Variants in CIPC observed in about 807,000 individuals in gnomAD.
The protein encoded by CIPC is CLOCK-interacting pacemaker.
A neutral mutation model predicts 26.7 loss-of-function variants in CIPC; 12 were observed. That is an observed-to-expected ratio of 0.45 (90% CI 0.29 to 0.73). CIPC has a LOEUF of 0.73. CIPC is among the 30% of genes least tolerant of loss of function. The pLI, the probability that CIPC is intolerant of heterozygous loss-of-function variation, is 0.12. For synonymous variants in CIPC, 170 were observed against 189.8 expected (o/e 0.90, Z 0.86); for missense variants, 417 against 486.5 (o/e 0.86, Z 1.34).
intron 3 of CIPC, among the ~76,000 whole-genome samples, chr14:77,110,729 G>A (rs779364184): frequency 2.6e-5 from 4 of 152,210 alleles, no homozygotes; most frequent in Non-Finnish European, 5.9e-5. Flanking sequence ...ATTGATTTCA[G>A]CCAAAGAAAT....
At chr14:77,112,012 G>C (rs1886712538) in intron 3 of CIPC, among the ~76,000 whole-genome samples, 1 of 152,316 alleles carries the variant, frequency 6.6e-6, no homozygotes, top group East Asian at 1.9e-4. Context: ...AACATCAAGA[G>C]GACTCTAGAT....
intron 1 of CIPC, among the ~76,000 whole-genome samples, chr14:77,100,556 T>G (rs1320663917): frequency 6.7e-6 from 1 of 149,628 alleles, no homozygotes; most frequent in Non-Finnish European, 1.5e-5. Flanking sequence ...ATTCTCTCTT[T>G]TCTTTTCTTT....
intron 1 of CIPC, among the ~76,000 whole-genome samples, chr14:77,102,571 T>C (rs1886511178): frequency 6.6e-6 from 1 of 152,240 alleles, no homozygotes; most frequent in Non-Finnish European, 1.5e-5. Flanking sequence ...ACTTTAATAA[T>C]AATAGCAAGA....
At chr14:77,108,777 C>T (rs1886640611) in intron 2 of CIPC, among the ~76,000 whole-genome samples, 1 of 152,060 alleles carries the variant, frequency 6.6e-6, no homozygotes, top group Non-Finnish European at 1.5e-5. Context: ...GCTTTCCCTC[C>T]TCCCTCTTCT....
At position 77,115,039 on chromosome 14, in the gene CIPC, G is replaced by C. The variant is rs958399605; in HGVS notation, c.*721G>C. 2.0e-5 allele frequency: 3 copies of C among 152,212 alleles called. No individual in the cohort carries two copies. In the East Asian group the frequency reaches 5.8e-4, roughly 29 times the overall value. 9.4% of individuals were successfully genotyped at this position (152,212 alleles called of 1,614,324 possible). The stretch of plus-strand genomic sequence containing the variant: ...ATGCAGTACATCTGGAATTGTAGTC[G>C]ATGAATTGCTTTTTTGACTTAGAAG... On this transcript the variant is annotated 3_prime_UTR_variant, in exon 4 of 4. Transcript: ENST00000361786.
Position 77,113,768 on chromosome 14 carries a change from C to T in CIPC, c.650C>T (p.Pro217Leu), listed in dbSNP as rs200574633. ...AVPSSPSTPAPPSAKLAEDSA... is the reference protein window; with the variant it reads ...AVPSSPSTPALPSAKLAEDSA... The stretch of plus-strand genomic sequence containing the variant: ...CCATCCAGTCCCTCGACGCCAGCAC[C>T]ACCCAGCGCCAAACTTGCCGAGGAC... Residue 217 changes from proline (P) to leucine (L), a missense_variant, in exon 4 of 4, where the codon CCA becomes CTA. By Grantham distance (98) the Pro-to-Leu change is moderately conservative (BLOSUM62 -3). Coordinates refer to ENST00000361786, the MANE Select transcript of CIPC (RefSeq NM_033426.3). 10 of 1,613,330 alleles carry T rather than the reference C, an allele frequency of 6.2e-6. No individual in the cohort carries two copies. Among genetic ancestry groups the T allele is most frequent in the Non-Finnish European group, 8.5e-6 (10 of 1,179,422 alleles).
intron 2 of CIPC, among the ~76,000 whole-genome samples, chr14:77,107,557 A>T (rs1216491809): frequency 6.6e-6 from 1 of 152,128 alleles, no homozygotes; most frequent in African/African-American, 2.4e-5. Context: ...TTTCAAATCT[A>T]TACAAAAGCA....
At chr14:77,109,297 A>G (rs2140032246) in intron 2 of CIPC, among the ~76,000 whole-genome samples, 1 of 152,292 alleles carries the variant, frequency 6.6e-6, no homozygotes, top group Non-Finnish European at 1.5e-5. Context: ...ATTGATGTAT[A>G]TCCTTCCAGT....
intron 1 of CIPC, among the ~76,000 whole-genome samples, chr14:77,105,147 A>G (rs1886567417): frequency 1.3e-5 from 2 of 152,234 alleles, no homozygotes; most frequent in African/African-American, 4.8e-5. Flanking sequence ...CAAAGGATTT[A>G]GAGGTTAATT....
intron 1 of CIPC, among the ~76,000 whole-genome samples, chr14:77,099,535 A>C (rs1886435292): frequency 6.6e-6 from 1 of 152,216 alleles, no homozygotes; most frequent in African/African-American, 2.4e-5. Context: ...TTATAATTCT[A>C]ACGGGGATTA....
intron 1 of CIPC, among the ~76,000 whole-genome samples, chr14:77,100,240 C>CTTTTTTTTTTTTTTTT (rs57785837): frequency 7.7e-6 from 1 of 130,522 alleles, no homozygotes; most frequent in African/African-American, 2.9e-5. Flanking sequence ...TTCTTTCTTT[C>CTTTTTTTTTTTTTTTT]TTTTTTTTTT....
intron 2 of CIPC, among the ~76,000 whole-genome samples, chr14:77,106,369 A>G (rs1886590735): frequency 6.6e-6 from 1 of 152,212 alleles, no homozygotes. Flanking sequence ...ACTGTGAGCC[A>G]CCTGGCCTAG....
Position 77,113,556 on chromosome 14 carries a change from A to G in CIPC, c.438A>G (p.Lys146=). The G allele has an allele frequency of 1.2e-6, 2 of 1,614,232 alleles. No homozygotes were observed. Among genetic ancestry groups the G allele is most frequent in the Non-Finnish European group, 8.5e-7 (1 of 1,180,050 alleles). Residue 146 remains lysine (K), a synonymous_variant, in exon 4 of 4, where the codon AAA becomes AAG. Transcript: ENST00000361786. The part of the protein sequence containing the change: ...SPVSPCHTGE[K]KSDSRNYLPI... The stretch of plus-strand genomic sequence containing the variant: ...TCAGTCCATGTCACACTGGTGAGAA[A>G]AAGTCCGACTCCAGGAACTACTTGC...
chr14:77,108,804 G>A (rs1451363008), intron 2 of CIPC, among the ~76,000 whole-genome samples: 1 of 152,052 alleles, frequency 6.6e-6, no homozygotes, highest in Non-Finnish European at 1.5e-5. Flanking sequence ...TATCACTAAT[G>A]TAGTCATGGA....
chr14:77,101,555 T>C (rs189363715), intron 1 of CIPC, among the ~76,000 whole-genome samples: 102 of 152,360 alleles, frequency 6.7e-4, no homozygotes, highest in Non-Finnish European at 1.2e-3. Flanking sequence ...ATCTGTTCTC[T>C]TTTTAACTTA....
Position 77,113,984 on chromosome 14 carries a change from A to G in CIPC, c.866A>G (p.Tyr289Cys). Reference sequence around the variant, plus strand: ...CCCCTTTCACCACTGTCCGCTAATTATAGCTCACCTTTATGGGCTGCAGAG... The same window carrying G: ...CCCCTTTCACCACTGTCCGCTAATTGTAGCTCACCTTTATGGGCTGCAGAG... The part of the protein sequence containing the change: ...NSPLSPLSAN[Y>C]SSPLWAAEHL... The change falls in exon 4 of 4, where the codon TAT (tyrosine) becomes TGT (cysteine). Residue 289 changes from tyrosine to cysteine, a missense_variant. Physicochemically the swap from Tyr to Cys is radical, Grantham distance 194. Transcript: ENST00000361786. 6.2e-7 allele frequency: 1 copy of G among 1,614,208 alleles called. No homozygotes were observed. Among genetic ancestry groups the G allele is most frequent in the Non-Finnish European group, 8.5e-7 (1 of 1,180,028 alleles).
intron 3 of CIPC, 125 bp downstream of exon 3, chr14:77,110,106 C>A: frequency 1.2e-6 from 1 of 857,498 alleles, no homozygotes; most frequent in Non-Finnish European, 1.8e-6. Flanking sequence ...AGAACCACAC[C>A]AATGTGTACT....
At chr14:77,107,586 C>T (rs1886613863) in intron 2 of CIPC, among the ~76,000 whole-genome samples, 1 of 151,870 alleles carries the variant, frequency 6.6e-6, no homozygotes, top group Non-Finnish European at 1.5e-5. Flanking sequence ...CCCCATATGT[C>T]TATCTTTTTG....
chr14:77,111,291 C>A (rs1035899617), intron 3 of CIPC, among the ~76,000 whole-genome samples: 19 of 152,162 alleles, frequency 1.2e-4, no homozygotes, highest in Admixed American at 9.2e-4. Flanking sequence ...GCTTTTCCAG[C>A]AGAGCCACAT....
Sources: gnomAD v4.1 joint callset for allele counts (sites outside exome capture counted in the v4.1 genomes callset) on GRCh38, gnomAD v4.1.1 for gene constraint, MANE v1.5 for transcripts, NCBI Gene and HGNC (gene_info 2026-07-23, HGNC 2026-07-21) for gene names.